FGFR1: variants seen among roughly 807,000 people sequenced by gnomAD.
FGFR1 encodes the protein FGFR1/PLAG1 fusion.
A neutral mutation model predicts 93.7 loss-of-function variants in FGFR1; 18 were observed. The observed-to-expected ratio is 0.19, with a 90% CI of 0.13 to 0.28. FGFR1 has a LOEUF of 0.28. FGFR1 is among the 10% of genes least tolerant of loss of function. The pLI is 1.00. For synonymous variants in FGFR1, 448 were observed against 429.3 expected, an observed-to-expected ratio of 1.04 and a Z score of -0.54; for missense variants, 731 against 1,080.4, an observed-to-expected ratio of 0.68 and a Z score of 4.53.
rs758272119 is a variant in FGFR1 at position 38,413,836 on chromosome 8, C to T, written c.2293-32G>A. 26 of 1,613,586 alleles carry T rather than the reference C, an allele frequency of 1.6e-5. No individual in the cohort carries two copies. The highest frequency in any genetic ancestry group is 1.1e-4 in the East Asian group (5 of 44,850). The stretch of plus-strand genomic sequence containing the variant: ...TGGGCGAGAGGAAGCAGCGATGGGC[C>T]GGGCCCCTCCTCCCTGCTCAGGGAG... On this transcript the variant is annotated intron_variant, in intron 17 of 17. Transcript: ENST00000447712. This position sits in a 1 kb window ranked among gnomAD's most constrained non-coding sequence, Gnocchi z 4.2.
At chr8:38,434,581 A>C in intron 2 of FGFR1, 1 of 259,976 alleles carries the variant, frequency 3.8e-6, no homozygotes, top group South Asian at 6.0e-5. Context: ...GCAGGCATTC[A>C]AACTGGTCCC....
chr8:38,450,864 C>T (rs1459791897), intron 2 of FGFR1, among the ~76,000 whole-genome samples: 4 of 152,316 alleles, frequency 2.6e-5, no homozygotes, highest in Non-Finnish European at 1.5e-5. Context: ...AACACAGCCT[C>T]GGAGTGGCTT....
In FGFR1 at chr8:38,414,549, A is replaced by C. The variant is rs773444188; in HGVS notation, c.2048+10T>G. On this transcript the variant is annotated intron_variant, in intron 15 of 17. Transcript: ENST00000447712. ...CCACACCTCCCTGGCAATTGCTATT[A>C]CAAACTCACACATCACTCTGGTGGG... 6.2e-7 allele frequency: 1 copy of C among 1,614,030 alleles called. No homozygotes were observed. Among genetic ancestry groups the C allele is most frequent in the South Asian group, 1.1e-5 (1 of 91,074 alleles).
intron 2 of FGFR1, among the ~76,000 whole-genome samples, chr8:38,446,044 T>C (rs1221434595): frequency 6.6e-6 from 1 of 151,990 alleles, no homozygotes; most frequent in Non-Finnish European, 1.5e-5. Flanking sequence ...CTGATAAGCA[T>C]TCTAAAGGCA....
chr8:38,467,625 G>A (rs978603035), intron 1 of FGFR1: 4 of 234,668 alleles, frequency 1.7e-5, no homozygotes, highest in East Asian at 6.0e-5. Context: ...CCAGGAAACC[G>A]CGGGCCTCGC....
At chr8:38,459,366 G>A (rs1016693302) in intron 1 of FGFR1, among the ~76,000 whole-genome samples, 1 of 152,162 alleles carries the variant, frequency 6.6e-6, no homozygotes, top group Non-Finnish European at 1.5e-5. Context: ...TCTTGGCTTC[G>A]TTCACATGTG....
In FGFR1 at chr8:38,417,412, G is replaced by A. The variant is rs1189235921; in HGVS notation, c.1557C>T (p.Asp519=). Reference sequence around the variant, plus strand: ...GGTCTGACAAGTCTTTCTCTGTTGCGTCCGCTTTAAAGAACACGTTGAGAC... The same window carrying A: ...GGTCTGACAAGTCTTTCTCTGTTGCATCCGCTTTAAAGAACACGTTGAGAC... ...TKVAVKMLKS[D]ATEKDLSDLI... The change falls in exon 12 of 18, where the codon GAC becomes GAT. Residue 519 remains aspartate (D), a synonymous_variant. Transcript: ENST00000447712. The A allele has an allele frequency of 1.2e-5, 19 of 1,613,348 alleles. No individual in the cohort carries two copies. The highest frequency in any genetic ancestry group is 6.7e-5 in the African/African-American group (5 of 74,890).
At chr8:38,455,854 G>A (rs999123406) in intron 2 of FGFR1, among the ~76,000 whole-genome samples, 6 of 152,036 alleles carry the variant, frequency 3.9e-5, no homozygotes, top group African/African-American at 1.4e-4. Context: ...TCACTGGGTG[G>A]TTTAAACACA....
chr8:38,445,638 A>C (rs1829040950), intron 2 of FGFR1, among the ~76,000 whole-genome samples: 1 of 151,792 alleles, frequency 6.6e-6, no homozygotes. Context: ...TCCTGGATTC[A>C]AGTGCTTCTC....
At position 38,468,441 on chromosome 8, in the gene FGFR1, C is replaced by G. The variant is rs1835987612; in HGVS notation, c.-549G>C. ...GCGGCTTTTCAAGCAGCGGCGCGCT[C>G]GCGGCCGGGGAAGGCGAGGTCGCCG... is the stretch of plus-strand genomic sequence containing the variant. On this transcript the variant is annotated 5_prime_UTR_variant, in exon 1 of 18. Coordinates refer to ENST00000447712, the MANE Select transcript of FGFR1 (RefSeq NM_023110.3). 4.4e-6 allele frequency: 1 copy of G among 228,766 alleles called. No individual in the cohort carries two copies. The highest frequency in any genetic ancestry group is 5.7e-5 in the Admixed American group (1 of 17,634). The allele number at this position is 228,766 out of a possible 1,614,324, so 14.2% of individuals were successfully genotyped here. A position where few individuals can be genotyped will look rare whatever the true frequency, so the allele number is the denominator to read the frequency against.
intron 2 of FGFR1, among the ~76,000 whole-genome samples, chr8:38,444,356 TCA>T (rs1383240673): frequency 1.3e-5 from 2 of 151,444 alleles, no homozygotes; most frequent in East Asian, 1.9e-4. Context: ...TTTAGTACTC[TCA>T]GTTTTAAGAA....
rs1362690790 is a variant in FGFR1, at chr8:38,413,596, G to A, written c.*32C>T. 1.9e-6 allele frequency: 3 copies of A among 1,584,694 alleles called. No individual in the cohort carries two copies. Among genetic ancestry groups the A allele is most frequent in the African/African-American group, 1.3e-5 (1 of 74,674 alleles). ...GCTGTGGGTGAGGGTTACAGCTGAC[G>A]GTGGAGTCTGGGGAGGGCGTGTGGG... On this transcript the variant is annotated 3_prime_UTR_variant, in exon 18 of 18. Transcript: ENST00000447712. The surrounding 1 kb of genome is among the most constrained non-coding windows in gnomAD (Gnocchi z 4.2).
rs17176023 is a variant in FGFR1 at position 38,416,840 on chromosome 8, C to T, written c.1663+466G>A. The stretch of plus-strand genomic sequence containing the variant: ...TGATCTTGGCTCACTGCAACCTCCA[C>T]CTCCCGGGTTCAAGCAAGTCTTATG... On this transcript the variant is annotated intron_variant, in intron 12 of 17. Transcript: ENST00000447712. Among the ~76,000 whole-genome samples, 818 of 152,306 alleles carry T rather than the reference C, an allele frequency of 5.4e-3. 13 individuals carry two copies. In the East Asian group the frequency reaches 0.061, roughly 11 times the overall value.
Position 38,426,670 on chromosome 8 carries a change from C to G in FGFR1, c.622-425G>C, listed in dbSNP as rs1428317426. Among the ~76,000 whole-genome samples the G allele has an allele frequency of 6.6e-6, 1 of 152,222 alleles. No homozygotes were observed. The highest frequency in any genetic ancestry group is 1.9e-4 in the East Asian group (1 of 5,204). On this transcript the variant is annotated intron_variant, in intron 5 of 17. Transcript: ENST00000447712. This position sits in a 1 kb window ranked among gnomAD's most constrained non-coding sequence, Gnocchi z 4.1. ...TGCTCACCCTTTCCTCTCTGCCTAC[C>G]AAAGCACTGATCACAGTCTACTTTT...
intron 2 of FGFR1, among the ~76,000 whole-genome samples, chr8:38,454,149 T>TCAGCCCC (rs1240484822): frequency 6.6e-6 from 1 of 152,044 alleles, no homozygotes; most frequent in African/African-American, 2.4e-5. Flanking sequence ...ATCAAGATCT[T>TCAGCCCC]CAGCCCCCAG....
chr8:38,463,493 T>C (rs1563649672), intron 1 of FGFR1: 1 of 218,502 alleles, frequency 4.6e-6, no homozygotes, highest in East Asian at 6.7e-5. Flanking sequence ...CCCACGAAAC[T>C]GCAGGCTCCT....
rs754351752 is a variant in FGFR1 at position 38,428,343 on chromosome 8, C to G, written c.448+3G>C. 6.2e-7 allele frequency: 1 copy of G among 1,613,352 alleles called. No homozygotes were observed. The highest frequency in any genetic ancestry group is 2.2e-5 in the East Asian group (1 of 44,882). ...GGCAGTAAGATAGGAAACAGTGTCT[C>G]ACGCATACGGTTTGGTTTGGTGTTA... On this transcript the variant is annotated splice_donor_region_variant and intron_variant, in intron 4 of 17. Coordinates refer to ENST00000447712, the MANE Select transcript of FGFR1 (RefSeq NM_023110.3).
chr8:38,446,412 T>A (rs948532955), intron 2 of FGFR1, among the ~76,000 whole-genome samples: 4 of 151,220 alleles, frequency 2.6e-5, no homozygotes, highest in African/African-American at 7.3e-5. Context: ...GGTTTCACCG[T>A]GTTGCCCAGG....
In FGFR1 at chr8:38,423,305, CCTTTTA is replaced by C. The variant is rs1053754673; in HGVS notation, c.936+1198_936+1203del. 8 of 591,432 alleles carry C rather than the reference CCTTTTA, an allele frequency of 1.4e-5. No homozygotes were observed. The African/African-American group carries it at 1.4e-4, about 10-fold the overall frequency. 36.6% of individuals were successfully genotyped at this position (591,432 alleles called of 1,614,324 possible). A position where few individuals can be genotyped will look rare whatever the true frequency, so the allele number is the denominator to read the frequency against. ...TGTTAAGTGAGATTTATTACCTTTC[CCTTTTA>C]GTTTTTTTTTTTTTTTTTTTTTTTA... On this transcript the variant is annotated intron_variant, in intron 7 of 17. Coordinates refer to ENST00000447712, the MANE Select transcript of FGFR1 (RefSeq NM_023110.3).
Sources: allele counts gnomAD v4.1 joint callset (sites outside exome capture counted in the v4.1 genomes callset), GRCh38; gene constraint gnomAD v4.1.1; non-coding constraint Gnocchi (gnomAD v3.1); transcripts MANE v1.5; gene names NCBI Gene and HGNC (gene_info 2026-07-23, HGNC 2026-07-21).